The following HADH variants were observed in gnomAD, a reference collection of about 807,000 sequenced individuals.
HADH encodes the protein hydroxyacyl-coenzyme A dehydrogenase, mitochondrial.
In HADH, 24 loss-of-function variants were observed where a neutral mutation model predicts 32.2. The ratio of observed to expected loss-of-function variants is 0.75; its 90% CI spans 0.54 to 1.05. The LOEUF is 1.05. HADH is among the 50% of genes least tolerant of loss of function. The probability of loss-of-function intolerance (pLI) is 0.00; values close to 1 mark genes in which losing one functional copy is unlikely to be tolerated. For synonymous variants in HADH, 139 were observed against 152.5 expected, an observed-to-expected ratio of 0.91 and a Z score of 0.65; for missense variants, 350 against 397.1, an observed-to-expected ratio of 0.88 and a Z score of 1.01.
At chr4:107,994,852 G>C (rs752230269) in intron 1 of HADH, among the ~76,000 whole-genome samples, 2 of 152,202 alleles carry the variant, frequency 1.3e-5, no homozygotes, top group East Asian at 1.9e-4. Flanking sequence ...TCTGGGTGAG[G>C]TTGGAGATAC....
chr4:108,034,157 C>A, intron 7 of HADH, 82 bp from the exon 8 acceptor site: 1 of 969,380 alleles, frequency 1.0e-6, no homozygotes, highest in Non-Finnish European at 1.7e-6. Flanking sequence ...AGAGGCAGGC[C>A]TCCAGACTTG....
chr4:108,023,063 G>A lies in HADH; in HGVS notation c.547-411G>A, dbSNP rs992369875. Among the ~76,000 whole-genome samples the A allele has an allele frequency of 6.7e-5, 10 of 150,138 alleles. No individual in the cohort carries two copies. The South Asian group carries it at 1.9e-3, about 28-fold the overall frequency. The stretch of plus-strand genomic sequence containing the variant: ...GGCTGGAGTGCAGTGGCATGATCTC[G>A]GCTCACTGCAACCTCCACCTCCCAG... On this transcript the variant is annotated intron_variant, in intron 4 of 7. Transcript: ENST00000309522.
chr4:107,989,945 A>G lies in HADH; in HGVS notation c.13A>G (p.Thr5Ala). Residue 5 changes from threonine (T) to alanine (A), a missense_variant, in exon 1 of 8, where the codon ACC becomes GCC. Thr to Ala is a moderately conservative substitution (Grantham distance 58). Transcript: ENST00000309522. MAFVTRQFMRSVSSS... is the reference protein window; with the variant it reads MAFVARQFMRSVSSS... Reference sequence around the variant, plus strand: ...CCGCTGCCACACCATGGCCTTCGTCACCAGGCAGTTCATGCGTTCCGTGTC... The same window carrying G: ...CCGCTGCCACACCATGGCCTTCGTCGCCAGGCAGTTCATGCGTTCCGTGTC... The G allele has an allele frequency of 3.7e-6, 6 of 1,612,834 alleles. No individual in the cohort carries two copies. The highest frequency in any genetic ancestry group is 5.1e-6 in the Non-Finnish European group (6 of 1,179,626).
At chr4:108,005,117 A>G (rs935624823) in intron 1 of HADH, 20 of 394,198 alleles carry the variant, frequency 5.1e-5, no homozygotes, top group Non-Finnish European at 7.3e-5. Context: ...ATTTGATCTT[A>G]TGGTTACCAA....
At chr4:107,994,657 T>A (rs1734903681) in intron 1 of HADH, among the ~76,000 whole-genome samples, 2 of 152,126 alleles carry the variant, frequency 1.3e-5, no homozygotes, top group South Asian at 4.1e-4. Context: ...GACTGTTCCT[T>A]ATGGAGGGAA....
intron 1 of HADH, chr4:108,004,625 A>G: frequency 6.7e-7 from 1 of 1,498,274 alleles, no homozygotes. Context: ...AGGAGGAGTA[A>G]CTGGAAGCCA....
intron 1 of HADH, among the ~76,000 whole-genome samples, chr4:107,997,453 GATAA>G (rs1734988367): frequency 6.6e-6 from 1 of 152,078 alleles, no homozygotes; most frequent in Non-Finnish European, 1.5e-5. Flanking sequence ...CATTTACAAA[GATAA>G]ATAAATCCAG....
At chr4:107,997,323 A>G (rs1734985335) in intron 1 of HADH, among the ~76,000 whole-genome samples, 1 of 152,212 alleles carries the variant, frequency 6.6e-6, no homozygotes, top group South Asian at 2.1e-4. Context: ...TGGGACATCC[A>G]GTGGAACTGT....
intron 1 of HADH, among the ~76,000 whole-genome samples, chr4:107,996,987 A>T (rs568961778): frequency 2.6e-5 from 4 of 152,158 alleles, no homozygotes; most frequent in Admixed American, 6.5e-5. Flanking sequence ...GAAGTCAGGG[A>T]AGACAACTTG....
At chr4:107,994,423 T>C (rs918387815) in intron 1 of HADH, among the ~76,000 whole-genome samples, 1 of 152,224 alleles carries the variant, frequency 6.6e-6, no homozygotes, top group Non-Finnish European at 1.5e-5. Flanking sequence ...GGATTTGTTC[T>C]CTCATCTCTT....
chr4:108,008,270 C>T (rs958311969), intron 1 of HADH, among the ~76,000 whole-genome samples: 33 of 152,118 alleles, frequency 2.2e-4, no homozygotes, highest in African/African-American at 7.7e-4. Flanking sequence ...TTCCACGTTG[C>T]CCCGGTTGCC....
intron 1 of HADH, among the ~76,000 whole-genome samples, chr4:107,994,735 TC>T (rs1241293110): frequency 6.6e-6 from 1 of 152,144 alleles, no homozygotes; most frequent in African/African-American, 2.4e-5. Flanking sequence ...TATGAAGTTT[TC>T]CCCCTACTTC....
chr4:108,007,264 G>A lies in HADH; in HGVS notation c.133-2495G>A, dbSNP rs574826477. Among the ~76,000 whole-genome samples, 7 of 152,056 alleles carry A rather than the reference G, an allele frequency of 4.6e-5. No individual in the cohort carries two copies. In the South Asian group the frequency reaches 1.0e-3, roughly 23 times the overall value. On this transcript the variant is annotated intron_variant, in intron 1 of 7. Transcript: ENST00000309522. ...TGGGACTACAGGCGCCCGCCACCAC[G>A]CCCGGCTAATTTTTTGTATTTTTTA...
chr4:108,022,451 C>T (rs1048920665), intron 4 of HADH, among the ~76,000 whole-genome samples: 2 of 152,058 alleles, frequency 1.3e-5, no homozygotes, highest in African/African-American at 4.8e-5. Flanking sequence ...GCTGCTGGAG[C>T]AGGTGGCAGG....
chr4:108,008,211 T>C (rs1405102572), intron 1 of HADH, among the ~76,000 whole-genome samples: 1 of 152,246 alleles, frequency 6.6e-6, no homozygotes, highest in South Asian at 2.1e-4. Context: ...ATGTTTCTGC[T>C]GATGGGCTGG....
At chr4:108,022,167 A>ATGTGTGTGTG (rs60633286) in intron 4 of HADH, among the ~76,000 whole-genome samples, 34 of 125,014 alleles carry the variant, frequency 2.7e-4, no homozygotes, top group African/African-American at 9.1e-4. Flanking sequence ...ACATATATAT[A>ATGTGTGTGTG]TGTGTGTGTG....
At chr4:108,032,434 G>A in intron 6 of HADH, 3 of 1,052,336 alleles carry the variant, frequency 2.9e-6, no homozygotes, top group African/African-American at 1.5e-5. Flanking sequence ...CTCCTTACTT[G>A]TAAAACCCAA....
At chr4:108,018,139 G>A (rs1188020196) in intron 3 of HADH, among the ~76,000 whole-genome samples, 4 of 152,096 alleles carry the variant, frequency 2.6e-5, no homozygotes, top group East Asian at 3.9e-4. Context: ...GGGGTATTAC[G>A]ATTGTAATAC....
At chr4:108,030,159 C>T (rs962198496) in intron 6 of HADH, 1 of 152,354 alleles carries the variant, frequency 6.6e-6, no homozygotes, top group African/African-American at 2.4e-5. Context: ...TTCCTGCCAT[C>T]TACAAGCTCT....
Sources: allele counts gnomAD v4.1 joint callset (sites outside exome capture counted in the v4.1 genomes callset), GRCh38; gene constraint gnomAD v4.1.1; transcripts MANE v1.5; gene names NCBI Gene and HGNC (gene_info 2026-07-23, HGNC 2026-07-21).